The following FAF2 variants were observed in gnomAD, a reference collection of about 807,000 sequenced individuals.
FAF2 encodes Fas associated factor family member 2.
Under a neutral mutation model 62.3 loss-of-function variants are expected in FAF2, and 9 were observed. The ratio of observed to expected loss-of-function variants is 0.14; its 90% CI spans 0.09 to 0.25. FAF2 has a LOEUF of 0.25. Ranked by LOEUF, FAF2 falls within the 10% of genes least tolerant of loss-of-function variation. The probability of loss-of-function intolerance (pLI) is 1.00; values close to 1 mark genes in which losing one functional copy is unlikely to be tolerated. For missense variants in FAF2, 368 were observed against 556.2 expected (o/e 0.66, Z 3.40); for synonymous variants, 202 against 198.0 (o/e 1.02, Z -0.17).
rs773750850 is a variant in FAF2 at position 176,489,010 on chromosome 5, G to A, written c.327G>A (p.Thr109=). 9 of 1,612,732 alleles carry A rather than the reference G, an allele frequency of 5.6e-6. No individual in the cohort carries two copies. The highest frequency in any genetic ancestry group is 1.3e-5 in the African/African-American group (1 of 74,862). The part of the protein sequence containing the change: ...IMLPFRFTYY[T]ILDIFRFALR... ...TTCCATTCCGGTTTACCTATTACAC[G>A]ATACTTGATATATTTAGGTATGTAC... The change falls in exon 4 of 11, where the codon ACG becomes ACA. Residue 109 remains threonine, a synonymous_variant. Coordinates refer to ENST00000261942, the MANE Select transcript of FAF2 (RefSeq NM_014613.3).
At chr5:176,506,579 G>A (rs1276407561) in intron 10 of FAF2, among the ~76,000 whole-genome samples, 189 bp from the exon 11 acceptor site, 1 of 152,174 alleles carries the variant, frequency 6.6e-6, no homozygotes, top group African/African-American at 2.4e-5. Context: ...TTTTAAAAGG[G>A]CTGCCCCATG....
At chr5:176,484,605 A>G (rs1017699531) in intron 2 of FAF2, among the ~76,000 whole-genome samples, 7 of 152,184 alleles carry the variant, frequency 4.6e-5, no homozygotes, top group African/African-American at 1.7e-4. Flanking sequence ...TGAAAAGGTT[A>G]AAGTTCCTGG....
intron 4 of FAF2, among the ~76,000 whole-genome samples, chr5:176,489,651 C>T (rs1241003886): frequency 1.3e-5 from 2 of 152,172 alleles, no homozygotes; most frequent in African/African-American, 2.4e-5. Flanking sequence ...GATTCTCATA[C>T]CTCAGCCTCC....
intron 1 of FAF2, among the ~76,000 whole-genome samples, chr5:176,451,888 ATATATTTTTTTTTTTTTT>A (rs1758190748): frequency 3.5e-5 from 1 of 28,474 alleles, no homozygotes; most frequent in African/African-American, 1.5e-4. Context: ...ATATATATAT[ATATATTTTTTTTTTTTTT>A]TTTTTTTTTT....
chr5:176,498,906 A>T lies in FAF2; in HGVS notation c.840-8A>T. 1 of 1,585,648 alleles carries T rather than the reference A, an allele frequency of 6.3e-7. No individual in the cohort carries two copies. The highest frequency in any genetic ancestry group is 8.6e-7 in the Non-Finnish European group (1 of 1,166,668). ...GTTTTTCTTCTCTTGCTTTTGATCT[A>T]TTCACAGGGAAGAAAGAAACCAGAC... On this transcript the variant is annotated splice_polypyrimidine_tract_variant and splice_region_variant and intron_variant, in intron 8 of 10. Coordinates refer to ENST00000261942, the MANE Select transcript of FAF2 (RefSeq NM_014613.3).
intron 1 of FAF2, among the ~76,000 whole-genome samples, chr5:176,459,874 T>C (rs1252430936): frequency 3.9e-5 from 6 of 152,044 alleles, no homozygotes; most frequent in Non-Finnish European, 8.8e-5. Context: ...TTTCAACACT[T>C]GCCCCCCTCC....
At chr5:176,482,493 G>A (rs887624162) in intron 2 of FAF2, among the ~76,000 whole-genome samples, 4 of 152,056 alleles carry the variant, frequency 2.6e-5, no homozygotes, top group African/African-American at 7.2e-5. Context: ...AATTACAGGC[G>A]TAAGCACTGC....
At chr5:176,492,721 C>T (rs895524593) in intron 5 of FAF2, among the ~76,000 whole-genome samples, 1 of 152,232 alleles carries the variant, frequency 6.6e-6, no homozygotes, top group Non-Finnish European at 1.5e-5. Context: ...CCACTTACAG[C>T]TATCCCTGAT....
intron 1 of FAF2, among the ~76,000 whole-genome samples, chr5:176,467,619 G>T (rs1183332558): frequency 6.6e-6 from 1 of 152,194 alleles, no homozygotes; most frequent in East Asian, 1.9e-4. Context: ...GATGTCAGTA[G>T]ATCTTAATGT....
chr5:176,473,933 T>A (rs1758618039), intron 1 of FAF2, among the ~76,000 whole-genome samples: 1 of 152,174 alleles, frequency 6.6e-6, no homozygotes, highest in Non-Finnish European at 1.5e-5. Flanking sequence ...CAAGATTCTC[T>A]AGGCACATCT....
intron 3 of FAF2, among the ~76,000 whole-genome samples, chr5:176,488,041 C>A (rs1316544881): frequency 6.6e-6 from 1 of 152,126 alleles, no homozygotes; most frequent in African/African-American, 2.4e-5. Context: ...CAGGGTTTCA[C>A]CATGTTGGCC....
Position 176,488,854 on chromosome 5 carries a change from T to C in FAF2, c.268-97T>C, listed in dbSNP as rs529179284. The C allele has an allele frequency of 1.1e-5, 10 of 935,276 alleles. No individual in the cohort carries two copies. In the South Asian group the frequency reaches 1.4e-4, roughly 13 times the overall value. 57.9% of individuals were successfully genotyped at this position (935,276 alleles called of 1,614,324 possible). ...CTGTACTTTAGAGGAACAAATCACA[T>C]GGAAGGACCAAAAAGAGTGAGAAAA... On this transcript the variant is annotated intron_variant, in intron 3 of 10. Transcript: ENST00000261942.
At chr5:176,475,824 A>G (rs1021617330) in intron 1 of FAF2, among the ~76,000 whole-genome samples, 4 of 152,074 alleles carry the variant, frequency 2.6e-5, no homozygotes, top group Admixed American at 6.5e-5. Flanking sequence ...TCGGCTGTAC[A>G]TTAGAATCAG....
At chr5:176,458,939 T>G (rs543379989) in intron 1 of FAF2, among the ~76,000 whole-genome samples, 116 of 152,166 alleles carry the variant, frequency 7.6e-4, no homozygotes, top group Non-Finnish European at 1.5e-3. Flanking sequence ...GAACCTTGAT[T>G]TCTTTCTTGA....
At chr5:176,485,639 G>A (rs1157033018) in intron 2 of FAF2, among the ~76,000 whole-genome samples, 1 of 152,166 alleles carries the variant, frequency 6.6e-6, no homozygotes, top group African/African-American at 2.4e-5. Flanking sequence ...ATCTTTATGT[G>A]TGGCCAACTC....
chr5:176,461,518 G>C (rs1337524899), intron 1 of FAF2, among the ~76,000 whole-genome samples: 1 of 151,264 alleles, frequency 6.6e-6, no homozygotes, highest in African/African-American at 2.4e-5. Context: ...TTTAGAGATA[G>C]GGTCTTGCTG....
At position 176,451,825 on chromosome 5, in the gene FAF2, T is replaced by TACAC. The variant is rs1561813439; in HGVS notation, c.63+3356_63+3357insCACA. Reference sequence around the variant, plus strand: ...ATATATATATACACACATATATATATATACATATATATATATACACACATA... The same window carrying TACAC: ...ATATATATATACACACATATATATATACACATACATATATATATATACACACATA... On this transcript the variant is annotated intron_variant, in intron 1 of 10. Transcript: ENST00000261942. 1.5e-4 allele frequency among the ~76,000 whole-genome samples: 7 copies of TACAC among 47,756 alleles called. 1 individual carries two copies. Among genetic ancestry groups the TACAC allele is most frequent in the African/African-American group, 5.7e-4 (7 of 12,280 alleles). The allele number at this position is 47,756 out of a possible 152,430, so 31.3% of individuals were successfully genotyped here.
chr5:176,475,817 G>C (rs990200598), intron 1 of FAF2, among the ~76,000 whole-genome samples: 1 of 151,986 alleles, frequency 6.6e-6, no homozygotes, highest in East Asian at 1.9e-4. Context: ...TCCCAGCTCG[G>C]CTGTACATTA....
At chr5:176,467,298 A>C (rs1758487547) in intron 1 of FAF2, among the ~76,000 whole-genome samples, 1 of 151,982 alleles carries the variant, frequency 6.6e-6, no homozygotes, top group Admixed American at 6.6e-5. Flanking sequence ...ATGCTATCTC[A>C]AGCCACCTTA....
Sources: gnomAD v4.1 joint callset for allele counts (sites outside exome capture counted in the v4.1 genomes callset) on GRCh38, gnomAD v4.1.1 for gene constraint, MANE v1.5 for transcripts, NCBI Gene and HGNC (gene_info 2026-07-23, HGNC 2026-07-21) for gene names.